TRPM3: variants seen among roughly 807,000 people sequenced by gnomAD.
TRPM3 encodes the protein transient receptor potential cation channel subfamily M member 3.
Under a neutral mutation model 181.2 loss-of-function variants are expected in TRPM3, and 77 were observed. The observed-to-expected ratio is 0.42, with a 90% confidence interval of 0.35 to 0.51. The LOEUF (loss-of-function observed/expected upper bound fraction) is 0.51. Among genes scored for constraint, TRPM3 ranks in the 20% least tolerant of loss-of-function variants. TRPM3 has a pLI of 0.01. For synonymous variants in TRPM3, 745 were observed against 796.4 expected, an observed-to-expected ratio of 0.94 and a Z score of 1.09; for missense variants, 1,759 against 2,196.7, an observed-to-expected ratio of 0.80 and a Z score of 3.98.
chr9:71,141,202 A>T (rs6560179), intron 1 of TRPM3, among the ~76,000 whole-genome samples: 144,190 of 152,266 alleles, frequency 0.95, 68,471 homozygotes, highest in East Asian at 1. Flanking sequence ...ATTCAGATAA[A>T]TTAATTAGTT....
chr9:71,090,004 G>A (rs1208429192), intron 1 of TRPM3, among the ~76,000 whole-genome samples: 3 of 152,194 alleles, frequency 2.0e-5, no homozygotes, highest in South Asian at 2.1e-4. Context: ...GAAAGTTTAC[G>A]AATTTGCATT....
chr9:71,395,460 A>G (rs1055760043), intron 1 of TRPM3, among the ~76,000 whole-genome samples: 1 of 152,224 alleles, frequency 6.6e-6, no homozygotes, highest in Non-Finnish European at 1.5e-5. Flanking sequence ...CAAAAACTTT[A>G]GACATTCTAG....
At chr9:70,856,720 AATT>A (rs1236653086) in intron 3 of TRPM3, among the ~76,000 whole-genome samples, 2 of 152,176 alleles carry the variant, frequency 1.3e-5, no homozygotes, top group African/African-American at 2.4e-5. Context: ...GGCTAGAAAT[AATT>A]ATCTAAATCA....
chr9:71,044,988 T>C (rs2059268592), intron 1 of TRPM3, among the ~76,000 whole-genome samples: 1 of 152,056 alleles, frequency 6.6e-6, no homozygotes, highest in Non-Finnish European at 1.5e-5. Flanking sequence ...GACTTAACTG[T>C]TATTGCTCTC....
chr9:71,282,838 G>A (rs1160673521), intron 1 of TRPM3, among the ~76,000 whole-genome samples: 1 of 152,112 alleles, frequency 6.6e-6, no homozygotes, highest in African/African-American at 2.4e-5. Context: ...TAAGACCTAA[G>A]GTATGTGTGT....
intron 8 of TRPM3, among the ~76,000 whole-genome samples, chr9:70,740,345 C>A (rs946089085): frequency 3.9e-5 from 6 of 152,074 alleles, no homozygotes; most frequent in Non-Finnish European, 7.4e-5. Flanking sequence ...AGGAACACAT[C>A]CTATGCTTAT....
intron 1 of TRPM3, among the ~76,000 whole-genome samples, chr9:71,158,701 G>A (rs920791392): frequency 3.3e-5 from 5 of 152,196 alleles, no homozygotes; most frequent in South Asian, 2.1e-4. Context: ...AAGCCATGGG[G>A]TGCCCAGATA....
At chr9:70,981,681 GTAGGCAAACA>G (rs1215500059) in intron 1 of TRPM3, among the ~76,000 whole-genome samples, 1 of 152,122 alleles carries the variant, frequency 6.6e-6, no homozygotes, top group Non-Finnish European at 1.5e-5. Flanking sequence ...ATGAGGTAAT[GTAGGCAAACA>G]TTTGGCAGAG....
At chr9:70,857,190 G>A (rs2095409342) in intron 3 of TRPM3, among the ~76,000 whole-genome samples, 1 of 152,050 alleles carries the variant, frequency 6.6e-6, no homozygotes, top group South Asian at 2.1e-4. Context: ...GGGTCTTCTG[G>A]TTGTTCGGGA....
At chr9:71,216,951 T>C (rs999739604) in intron 1 of TRPM3, among the ~76,000 whole-genome samples, 5 of 124,742 alleles carry the variant, frequency 4.0e-5, no homozygotes, top group African/African-American at 9.2e-5. Context: ...TTTTTTTTTT[T>C]TTTTTTTTTT....
intron 1 of TRPM3, among the ~76,000 whole-genome samples, chr9:71,416,557 G>A (rs182991390): frequency 1.3e-5 from 2 of 151,906 alleles, no homozygotes; most frequent in African/African-American, 4.8e-5. Flanking sequence ...AAGGAATTAT[G>A]TTTAAAATTG....
At chr9:71,081,225 G>A (rs1370858310) in intron 1 of TRPM3, among the ~76,000 whole-genome samples, 3 of 152,178 alleles carry the variant, frequency 2.0e-5, no homozygotes, top group Admixed American at 1.3e-4. Flanking sequence ...GGAAAGACAG[G>A]ATATAGTCAC....
At chr9:70,933,585 G>A (rs1457998809) in intron 1 of TRPM3, among the ~76,000 whole-genome samples, 1 of 152,088 alleles carries the variant, frequency 6.6e-6, no homozygotes, top group Non-Finnish European at 1.5e-5. Context: ...GAGTTAAGGA[G>A]ACAGTAGAGG....
At chr9:70,866,914 C>T (rs994678238) in intron 1 of TRPM3, among the ~76,000 whole-genome samples, 7 of 151,992 alleles carry the variant, frequency 4.6e-5, no homozygotes, top group African/African-American at 1.7e-4. Context: ...AGGGTTTGAA[C>T]TTGAACAGTC....
At chr9:71,167,648 C>T (rs1380941923) in intron 1 of TRPM3, among the ~76,000 whole-genome samples, 2 of 152,146 alleles carry the variant, frequency 1.3e-5, no homozygotes, top group African/African-American at 2.4e-5. Flanking sequence ...GCCATAGGCT[C>T]ATGGTGGAGG....
At chr9:71,311,254 C>T (rs188641413) in intron 1 of TRPM3, among the ~76,000 whole-genome samples, 22 of 152,248 alleles carry the variant, frequency 1.4e-4, no homozygotes, top group Admixed American at 7.9e-4. Context: ...TTCTCCTGTA[C>T]TTATGCTGTG....
At chr9:71,142,362 C>T (rs1372849007) in intron 1 of TRPM3, among the ~76,000 whole-genome samples, 2 of 152,022 alleles carry the variant, frequency 1.3e-5, no homozygotes, top group East Asian at 1.9e-4. Flanking sequence ...GTGCAAATAG[C>T]TCATTTAGTA....
chr9:71,207,816 T>C (rs940371561), intron 1 of TRPM3, among the ~76,000 whole-genome samples: 1 of 152,170 alleles, frequency 6.6e-6, no homozygotes, highest in South Asian at 2.1e-4. Context: ...TAAAAGAACA[T>C]AGACAGTTGC....
intron 1 of TRPM3, among the ~76,000 whole-genome samples, chr9:70,915,951 A>G (rs1342503510): frequency 6.6e-6 from 1 of 151,080 alleles, no homozygotes; most frequent in Non-Finnish European, 1.5e-5. Flanking sequence ...TAATAATCAA[A>G]CTTCCAAAGG....
Sources: gnomAD v4.1 joint callset for allele counts (sites outside exome capture counted in the v4.1 genomes callset) on GRCh38, gnomAD v4.1.1 for gene constraint, MANE v1.5 for transcripts, NCBI Gene and HGNC (gene_info 2026-07-23, HGNC 2026-07-21) for gene names.